Variants in ESR1 observed in about 807,000 individuals in gnomAD.
ESR1 encodes estrogen receptor.
Under a neutral mutation model 52.7 loss-of-function variants are expected in ESR1, and 12 were observed. That is an observed-to-expected ratio of 0.23 (90% CI 0.15 to 0.37). The LOEUF (loss-of-function observed/expected upper bound fraction) is 0.37, where lower values mean the gene tolerates loss of function less well. Ranked by LOEUF, ESR1 falls within the 10% of genes least tolerant of loss-of-function variation. ESR1 has a pLI of 1.00. For missense variants in ESR1, 584 were observed against 779.7 expected, an observed-to-expected ratio of 0.75 and a Z score of 2.99; for synonymous variants, 305 against 316.8, an observed-to-expected ratio of 0.96 and a Z score of 0.39.
At chr6:151,872,235 G>A (rs1016782713) in intron 2 of ESR1, among the ~76,000 whole-genome samples, 12 of 152,168 alleles carry the variant, frequency 7.9e-5, no homozygotes. Flanking sequence ...TTGAGTTTAT[G>A]ACGGAAATCT....
At chr6:151,867,128 A>G (rs563082730) in intron 2 of ESR1, among the ~76,000 whole-genome samples, 24 of 152,324 alleles carry the variant, frequency 1.6e-4, no homozygotes, top group African/African-American at 5.8e-4. Flanking sequence ...GATGGATTAA[A>G]GACTTAAATG....
At chr6:151,742,614 G>T (rs1783185120) in intron 2 of ESR1, among the ~76,000 whole-genome samples, 1 of 152,098 alleles carries the variant, frequency 6.6e-6, no homozygotes, top group Non-Finnish European at 1.5e-5. Context: ...GCCTTCCTTT[G>T]TTACTTGGAG....
chr6:151,705,681 T>C (rs1422658376), intron 2 of ESR1, among the ~76,000 whole-genome samples: 2 of 152,232 alleles, frequency 1.3e-5, no homozygotes, highest in Non-Finnish European at 1.5e-5. Context: ...CTGTGATTTT[T>C]CCCAGTTTTG....
chr6:151,744,639 T>TA (rs1783351750), intron 2 of ESR1, among the ~76,000 whole-genome samples: 1 of 152,224 alleles, frequency 6.6e-6, no homozygotes, highest in South Asian at 2.1e-4. Flanking sequence ...ATATGATTTG[T>TA]AAATATTTTC....
chr6:151,869,700 G>A (rs753955545), intron 2 of ESR1, among the ~76,000 whole-genome samples: 4 of 152,066 alleles, frequency 2.6e-5, no homozygotes, highest in Non-Finnish European at 2.9e-5. Flanking sequence ...TTCACTTTGT[G>A]TTATTTAGAA....
intron 3 of ESR1, among the ~76,000 whole-genome samples, chr6:151,891,900 TA>T (rs1794752041): frequency 6.6e-6 from 1 of 152,186 alleles, no homozygotes; most frequent in Non-Finnish European, 1.5e-5. Flanking sequence ...ACAGATACTT[TA>T]AAAAGACCTA....
At chr6:151,991,711 T>C (rs958529090) in intron 4 of ESR1, among the ~76,000 whole-genome samples, 2 of 152,134 alleles carry the variant, frequency 1.3e-5, no homozygotes, top group African/African-American at 2.4e-5. Flanking sequence ...AATGACACGA[T>C]GAGCAGAAGC....
At chr6:152,056,401 TCA>T (rs1344343099) in intron 5 of ESR1, among the ~76,000 whole-genome samples, 3 of 152,346 alleles carry the variant, frequency 2.0e-5, no homozygotes, top group Admixed American at 1.3e-4. Context: ...CTGGGTTTTC[TCA>T]GTTTCCATTT....
chr6:151,827,552 C>T (rs139880681), intron 1 of ESR1, among the ~76,000 whole-genome samples: 170 of 152,210 alleles, frequency 1.1e-3, no homozygotes, highest in Admixed American at 2.0e-3. Context: ...AAGAGCATAA[C>T]GATCCTTCAT....
At chr6:151,980,777 C>G (rs1238889416) in intron 4 of ESR1, among the ~76,000 whole-genome samples, 1 of 152,162 alleles carries the variant, frequency 6.6e-6, no homozygotes, top group African/African-American at 2.4e-5. Flanking sequence ...AATCTCAGCT[C>G]AATGCAACCT....
chr6:152,030,739 A>G (rs1230044246), intron 5 of ESR1, among the ~76,000 whole-genome samples: 7 of 152,166 alleles, frequency 4.6e-5, no homozygotes, highest in Non-Finnish European at 1.0e-4. Flanking sequence ...CGAGACAGAA[A>G]ATTAACAAGG....
At chr6:152,123,268 C>T (rs1419733713) in intron 6 of ESR1, among the ~76,000 whole-genome samples, 2 of 152,198 alleles carry the variant, frequency 1.3e-5, no homozygotes, top group African/African-American at 2.4e-5. Flanking sequence ...CTGACATTAG[C>T]GGGTTCCAAA....
intron 5 of ESR1, among the ~76,000 whole-genome samples, chr6:152,044,635 T>A (rs983915697): frequency 6.6e-6 from 1 of 150,794 alleles, no homozygotes; most frequent in Non-Finnish European, 1.5e-5. Context: ...GGTCTAAGAG[T>A]TCAAAAGCTG....
intron 4 of ESR1, among the ~76,000 whole-genome samples, chr6:152,009,416 A>G (rs917432042): frequency 6.6e-6 from 1 of 152,114 alleles, no homozygotes; most frequent in African/African-American, 2.4e-5. Flanking sequence ...AGATACATGC[A>G]TGATTAATTT....
At chr6:151,740,662 C>A (rs1208055255) in intron 2 of ESR1, among the ~76,000 whole-genome samples, 1 of 151,930 alleles carries the variant, frequency 6.6e-6, no homozygotes, top group Admixed American at 6.6e-5. Context: ...TGTAACGGAG[C>A]AAAATATTTT....
intron 1 of ESR1, among the ~76,000 whole-genome samples, chr6:151,665,063 A>C (rs1777773507): frequency 6.6e-6 from 1 of 152,246 alleles, no homozygotes; most frequent in South Asian, 2.1e-4. Context: ...ATGAACAGAA[A>C]TAGCAGTGAT....
intron 6 of ESR1, among the ~76,000 whole-genome samples, chr6:152,090,248 C>T (rs1000150481): frequency 1.3e-5 from 2 of 152,198 alleles, no homozygotes; most frequent in African/African-American, 4.8e-5. Flanking sequence ...CTGAAATCTC[C>T]TCCTTCTCCA....
Position 152,061,184 on chromosome 6 carries a change from C to T in ESR1, c.1369+60C>T, listed in dbSNP as rs1190848980. 2 of 1,543,386 alleles carry T rather than the reference C, an allele frequency of 1.3e-6. No homozygotes were observed. The highest frequency in any genetic ancestry group is 2.7e-5 in the African/African-American group (2 of 73,352). The stretch of plus-strand genomic sequence containing the variant: ...TGAAATGTTTATTTGTAGTTTTCAA[C>T]CAGATACGATCTACCCACTCCAAAG... On this transcript the variant is annotated intron_variant, in intron 6 of 7. Coordinates refer to ENST00000206249, the MANE Select transcript of ESR1 (RefSeq NM_000125.4). The surrounding 1 kb of genome is among the most constrained non-coding windows in gnomAD (Gnocchi z 4.3).
intron 1 of ESR1, among the ~76,000 whole-genome samples, chr6:151,700,668 C>CTTTT (rs34905961): frequency 1.7e-5 from 2 of 117,224 alleles, no homozygotes; most frequent in Non-Finnish European, 3.5e-5. Flanking sequence ...TTAAACTTTC[C>CTTTT]TTTTTTTTTT....
Sources: allele counts gnomAD v4.1 joint callset (sites outside exome capture counted in the v4.1 genomes callset), GRCh38; gene constraint gnomAD v4.1.1; non-coding constraint Gnocchi (gnomAD v3.1); transcripts MANE v1.5; gene names NCBI Gene and HGNC (gene_info 2026-07-23, HGNC 2026-07-21).